Variants in ALG14 observed in about 807,000 individuals in gnomAD.
ALG14 encodes UDP-N-acetylglucosamine transferase subunit ALG14.
Under a neutral mutation model 22.8 loss-of-function variants are expected in ALG14, and 17 were observed. The ratio of observed to expected loss-of-function variants is 0.75; its 90% CI spans 0.51 to 1.12. The LOEUF is 1.12. Ranked by LOEUF, ALG14 falls within the 50% of genes most tolerant of loss-of-function variation. The probability of loss-of-function intolerance (pLI) is 0.00; values close to 1 mark genes in which losing one functional copy is unlikely to be tolerated. For missense variants in ALG14, 288 were observed against 271.8 expected, an observed-to-expected ratio of 1.06 and a Z score of -0.42; for synonymous variants, 89 against 103.7, an observed-to-expected ratio of 0.86 and a Z score of 0.86.
At chr1:95,031,854 G>A in intron 2 of ALG14, among the ~76,000 whole-genome samples, 1 of 152,134 alleles carries the variant, frequency 6.6e-6, no homozygotes, top group East Asian at 1.9e-4. Context: ...TGTCATCCAG[G>A]CTGGAGTGCA....
chr1:94,989,181 A>G (rs976474725), intron 3 of ALG14, among the ~76,000 whole-genome samples: 3 of 152,204 alleles, frequency 2.0e-5, no homozygotes, highest in African/African-American at 7.2e-5. Flanking sequence ...ATTGTTATGA[A>G]CATCTTTGTG....
At chr1:95,014,744 T>C (rs964866716) in intron 3 of ALG14, among the ~76,000 whole-genome samples, 1 of 152,192 alleles carries the variant, frequency 6.6e-6, no homozygotes, top group African/African-American at 2.4e-5. Context: ...ATAACAAAAT[T>C]ATGGCTAAAT....
Position 94,981,423 on chromosome 1 carries a change from T to A in ALG14, c.*1653A>T, listed in dbSNP as rs955831336. 6.7e-6 allele frequency: 1 copy of A among 149,492 alleles called. No homozygotes were observed. Among genetic ancestry groups the A allele is most frequent in the Middle Eastern group, 3.5e-3 (1 of 286 alleles). The allele number at this position is 149,492 out of a possible 1,614,324, so 9.3% of individuals were successfully genotyped here. A position where few individuals can be genotyped will look rare whatever the true frequency, so the allele number is the denominator to read the frequency against. On this transcript the variant is annotated 3_prime_UTR_variant, in exon 4 of 4. Coordinates refer to ENST00000370205, the MANE Select transcript of ALG14 (RefSeq NM_144988.4). ...CCGGCTGACAGATGCGCCTGTTACA[T>A]GATTCAGAGAAGACAGTTTTTTTGT... is the stretch of plus-strand genomic sequence containing the variant.
chr1:94,992,600 A>G (rs1436515690), intron 3 of ALG14, among the ~76,000 whole-genome samples: 1 of 152,002 alleles, frequency 6.6e-6, no homozygotes, highest in Non-Finnish European at 1.5e-5. Flanking sequence ...AGCTAAATAG[A>G]AATGTTATAC....
intron 2 of ALG14, among the ~76,000 whole-genome samples, chr1:95,047,296 G>C (rs1350141414): frequency 6.6e-6 from 1 of 152,142 alleles, no homozygotes; most frequent in Non-Finnish European, 1.5e-5. Context: ...TACTTCTAGA[G>C]AGTGGAACTG....
chr1:94,994,762 G>A (rs1418406925), intron 3 of ALG14, among the ~76,000 whole-genome samples: 1 of 152,088 alleles, frequency 6.6e-6, no homozygotes, highest in African/African-American at 2.4e-5. Context: ...AAGGCAAGAG[G>A]GTTCTAAGAA....
chr1:95,049,868 C>T (rs1240484457), intron 2 of ALG14, among the ~76,000 whole-genome samples: 3 of 151,466 alleles, frequency 2.0e-5, no homozygotes, highest in Admixed American at 1.3e-4. Flanking sequence ...GAGATCCCGT[C>T]CCAAAAAAAT....
chr1:95,070,125 T>C (rs1400749362), intron 1 of ALG14, among the ~76,000 whole-genome samples: 1 of 152,120 alleles, frequency 6.6e-6, no homozygotes, highest in Non-Finnish European at 1.5e-5. Context: ...GAGAGGGCCC[T>C]ACCCCACATC....
chr1:95,055,609 T>C (rs1009379193), intron 2 of ALG14, among the ~76,000 whole-genome samples: 1 of 152,094 alleles, frequency 6.6e-6, no homozygotes, highest in African/African-American at 2.4e-5. Flanking sequence ...AACTGATATA[T>C]TCAATTTAAT....
At chr1:94,986,264 G>T (rs1194903712) in intron 3 of ALG14, among the ~76,000 whole-genome samples, 1 of 152,184 alleles carries the variant, frequency 6.6e-6, no homozygotes, top group Admixed American at 6.5e-5. Flanking sequence ...TATGGGCAGA[G>T]TCCGCTTCTA....
At chr1:95,001,062 G>A (rs1673052598) in intron 3 of ALG14, among the ~76,000 whole-genome samples, 1 of 152,222 alleles carries the variant, frequency 6.6e-6, no homozygotes, top group Non-Finnish European at 1.5e-5. Flanking sequence ...GCTTACCATG[G>A]TAATCACTGG....
In ALG14 at chr1:95,034,938, G is replaced by A. The variant is rs147267358; in HGVS notation, c.289-7678C>T. Among the ~76,000 whole-genome samples, 455 of 152,176 alleles carry A rather than the reference G, an allele frequency of 3.0e-3. 1 individual carries two copies. The highest frequency in any genetic ancestry group is 0.011 in the African/African-American group (441 of 41,496). On this transcript the variant is annotated intron_variant, in intron 2 of 3. Coordinates refer to ENST00000370205, the MANE Select transcript of ALG14 (RefSeq NM_144988.4). ...TGCCCTCTGTGCCCTGTTTTGCACT[G>A]TAGGCTTGGGTTACCAAACCCACCT...
intron 3 of ALG14, among the ~76,000 whole-genome samples, chr1:94,993,428 A>G (rs185846136): frequency 4.1e-5 from 6 of 147,300 alleles, no homozygotes; most frequent in African/African-American, 1.5e-4. Context: ...ATCTTTACAT[A>G]TTTATATACA....
intron 3 of ALG14, among the ~76,000 whole-genome samples, chr1:95,020,663 A>G (rs1331805541): frequency 3.3e-5 from 5 of 151,060 alleles, no homozygotes; most frequent in Admixed American, 6.6e-5. Context: ...GCTTGAACCC[A>G]GGATCCAGAG....
chr1:95,014,647 CAAAT>C (rs1190271947), intron 3 of ALG14, among the ~76,000 whole-genome samples: 1 of 152,078 alleles, frequency 6.6e-6, no homozygotes, highest in Admixed American at 6.6e-5. Flanking sequence ...GAATTATCTA[CAAAT>C]AGTTAAAATT....
At chr1:95,052,689 C>T (rs917466864) in intron 2 of ALG14, among the ~76,000 whole-genome samples, 1 of 151,816 alleles carries the variant, frequency 6.6e-6, no homozygotes, top group Admixed American at 6.6e-5. Context: ...GAGACCCTGT[C>T]TCTACTAAAT....
intron 2 of ALG14, among the ~76,000 whole-genome samples, chr1:95,031,982 C>A (rs1416932112): frequency 1.3e-5 from 2 of 151,864 alleles, no homozygotes; most frequent in Non-Finnish European, 2.9e-5. Flanking sequence ...CTAATTTTTG[C>A]ATTTTTAGTA....
At chr1:95,036,731 C>T (rs988630499) in intron 2 of ALG14, among the ~76,000 whole-genome samples, 1 of 152,006 alleles carries the variant, frequency 6.6e-6, no homozygotes, top group African/African-American at 2.4e-5. Context: ...CTGGCCCAAG[C>T]TTCTTTTCTT....
chr1:95,036,627 A>G (rs1241713024), intron 2 of ALG14, among the ~76,000 whole-genome samples: 1 of 151,864 alleles, frequency 6.6e-6, no homozygotes, highest in African/African-American at 2.4e-5. Flanking sequence ...GGGTTTCACC[A>G]TGTTGGCCAG....
Sources: gnomAD v4.1 joint callset for allele counts (sites outside exome capture counted in the v4.1 genomes callset) on GRCh38, gnomAD v4.1.1 for gene constraint, MANE v1.5 for transcripts, NCBI Gene and HGNC (gene_info 2026-07-23, HGNC 2026-07-21) for gene names.